Variants in NLRP9 observed in about 807,000 individuals in gnomAD.
NLRP9 encodes NACHT, LRR and PYD domains-containing protein 9.
A neutral mutation model predicts 83.1 loss-of-function variants in NLRP9; 88 were observed. That is an observed-to-expected ratio of 1.06 (90% CI 0.89 to 1.26). The LOEUF is 1.26. Among genes scored for constraint, NLRP9 ranks in the 50% most tolerant of loss-of-function variants. The probability of loss-of-function intolerance (pLI) is 0.00; values close to 1 mark genes in which losing one functional copy is unlikely to be tolerated. For synonymous variants in NLRP9, 521 were observed against 447.6 expected, an observed-to-expected ratio of 1.16 and a Z score of -2.07; for missense variants, 1,308 against 1,179.3, an observed-to-expected ratio of 1.11 and a Z score of -1.60.
intron 1 of NLRP9, among the ~76,000 whole-genome samples, chr19:55,733,992 G>C (rs923124520): frequency 1.4e-5 from 2 of 146,882 alleles, no homozygotes; most frequent in East Asian, 2.0e-4. Flanking sequence ...GCGGGATCTC[G>C]GCTCACTGCA....
chr19:55,734,498 G>T (rs1988720459), intron 1 of NLRP9, among the ~76,000 whole-genome samples: 1 of 146,140 alleles, frequency 6.8e-6, no homozygotes, highest in Admixed American at 7.0e-5. Context: ...TCACCTGTCA[G>T]CAAAGTACAC....
In NLRP9 at chr19:55,715,138, C is replaced by G; in HGVS notation, c.2418G>C (p.Leu806=). 6.2e-7 allele frequency: 1 copy of G among 1,613,246 alleles called. No homozygotes were observed. The highest frequency in any genetic ancestry group is 1.1e-5 in the South Asian group (1 of 91,060). ...CATTATCTTCCAGGGCATTTGAGCCCAGATCGAGGAGGGACAGGGACTTAC... is the reference window on the plus strand; with the variant it reads ...CATTATCTTCCAGGGCATTTGAGCCGAGATCGAGGAGGGACAGGGACTTAC... ...LCSKSLSLLD[L]GSNALEDNGV... is the part of the protein sequence containing the mutation. Residue 806 remains leucine (L), a synonymous_variant, in exon 6 of 9, where the codon CTG becomes CTC. Transcript: ENST00000332836.
At chr19:55,709,578 C>T (rs1247443442) in intron 8 of NLRP9, 2 of 152,256 alleles carry the variant, frequency 1.3e-5, no homozygotes, top group South Asian at 2.1e-4. Flanking sequence ...CAGTTCCTTT[C>T]GTGTCATTGT....
chr19:55,711,442 T>G, intron 8 of NLRP9: 1 of 1,302,830 alleles, frequency 7.7e-7, no homozygotes, highest in Non-Finnish European at 1.0e-6. Flanking sequence ...CCTTCTGAAG[T>G]CTGAGCTGGC....
intron 8 of NLRP9, chr19:55,711,237 G>A: frequency 2.4e-6 from 1 of 413,610 alleles, no homozygotes; most frequent in Non-Finnish European, 3.2e-6. Flanking sequence ...CCGCCCATTT[G>A]TTTTTTAAAA....
rs372072704 is a variant in NLRP9 at position 55,729,814 on chromosome 19, G to A, written c.1994+17C>T. 13 of 1,603,600 alleles carry A rather than the reference G, an allele frequency of 8.1e-6. No individual in the cohort carries two copies. Among genetic ancestry groups the A allele is most frequent in the Middle Eastern group, 1.7e-4 (1 of 6,008 alleles). On this transcript the variant is annotated intron_variant, in intron 3 of 8. Transcript: ENST00000332836. ...ACTCTGCCATTTGCTTAAAGGACAGGTTAACATAAAACTTACATGAGTTTT... is the reference window on the plus strand; with the variant it reads ...ACTCTGCCATTTGCTTAAAGGACAGATTAACATAAAACTTACATGAGTTTT...
intron 8 of NLRP9, chr19:55,711,498 A>G: frequency 1.5e-6 from 2 of 1,355,338 alleles, no homozygotes; most frequent in Non-Finnish European, 1.9e-6. Flanking sequence ...TTTATAGAGC[A>G]GTGGTTCTCA....
At chr19:55,735,421 C>G (rs1390047269) in intron 1 of NLRP9, among the ~76,000 whole-genome samples, 1 of 151,988 alleles carries the variant, frequency 6.6e-6, no homozygotes. Flanking sequence ...GACTCCATCT[C>G]TATTAAAAAA....
At chr19:55,719,491 G>A (rs960982293) in intron 4 of NLRP9, among the ~76,000 whole-genome samples, 2 of 152,162 alleles carry the variant, frequency 1.3e-5, no homozygotes, top group African/African-American at 2.4e-5. Context: ...TCTCCATCCC[G>A]CTCAAAGGGC....
chr19:55,709,064 GTTTT>G lies in NLRP9; in HGVS notation c.2844-24_2844-21del. 1 of 1,260,658 alleles carries G rather than the reference GTTTT, an allele frequency of 7.9e-7. No homozygotes were observed. The highest frequency in any genetic ancestry group is 1.1e-6 in the Non-Finnish European group (1 of 935,718). 78.1% of individuals were successfully genotyped at this position (1,260,658 alleles called of 1,614,324 possible). On this transcript the variant is annotated intron_variant, in intron 8 of 8. Transcript: ENST00000332836. Reference sequence around the variant, plus strand: ...TGCAGCCTGGGAAAATAGAAATAAAGTTTTTTTTTTTGTTTTTCATTTTTACACA... The same window carrying G: ...TGCAGCCTGGGAAAATAGAAATAAAGTTTTTTTGTTTTTCATTTTTACACA...
intron 2 of NLRP9, among the ~76,000 whole-genome samples, chr19:55,731,003 T>C (rs1314150524): frequency 2.0e-5 from 3 of 152,184 alleles, no homozygotes; most frequent in Admixed American, 6.5e-5. Flanking sequence ...TTAGTAACTA[T>C]GTGACCCTGG....
chr19:55,733,410 C>T lies in NLRP9; in HGVS notation c.421G>A (p.Ala141Thr), dbSNP rs531032441. ...ACCACAGTGTGTCGTCTAGCCGCAG[C>T]AGTATATGCGTCATTCAATTCTTTA... is the stretch of plus-strand genomic sequence containing the variant. The part of the protein sequence containing the change: ...EYKELNDAYT[A>T]AARRHTVVLE... The change falls in exon 2 of 9, where the codon GCT becomes ACT. Residue 141 changes from alanine to threonine, a missense_variant. Transcript: ENST00000332836. 2.3e-4 allele frequency: 379 copies of T among 1,614,074 alleles called. 5 individuals carry two copies. In the South Asian group the frequency reaches 3.0e-3, roughly 13 times the overall value.
At chr19:55,722,012 A>G (rs1396856971) in intron 4 of NLRP9, among the ~76,000 whole-genome samples, 1 of 152,138 alleles carries the variant, frequency 6.6e-6, no homozygotes, top group Non-Finnish European at 1.5e-5. Context: ...CTTGGTCTCT[A>G]TCCACCAGAT....
At chr19:55,717,360 C>T (rs957155367) in intron 4 of NLRP9, among the ~76,000 whole-genome samples, 7 of 152,148 alleles carry the variant, frequency 4.6e-5, no homozygotes, top group Admixed American at 1.3e-4. Context: ...GAAGTGCAAA[C>T]GTAATGACAT....
chr19:55,725,341 A>C (rs1988367643), intron 3 of NLRP9, among the ~76,000 whole-genome samples: 1 of 152,180 alleles, frequency 6.6e-6, no homozygotes, highest in Non-Finnish European at 1.5e-5. Context: ...CGTAAGAATA[A>C]ATACATGACA....
intron 8 of NLRP9, among the ~76,000 whole-genome samples, chr19:55,711,076 ACT>A (rs746271271): frequency 4.1e-5 from 6 of 144,730 alleles, no homozygotes; most frequent in Non-Finnish European, 6.0e-5. Context: ...ACAGAGCAAG[ACT>A]CTGCCTCAAA....
chr19:55,727,558 G>T (rs1988438885), intron 3 of NLRP9, among the ~76,000 whole-genome samples: 1 of 152,218 alleles, frequency 6.6e-6, no homozygotes, highest in African/African-American at 2.4e-5. Context: ...TTGAAATTCA[G>T]ATACTGCTTA....
At chr19:55,709,381 TAA>T (rs36068544) in intron 8 of NLRP9, 24 of 151,566 alleles carry the variant, frequency 1.6e-4, no homozygotes, top group Non-Finnish European at 2.3e-4. Flanking sequence ...TGTGCTTGCT[TAA>T]AAAAAAAAAA....
intron 4 of NLRP9, among the ~76,000 whole-genome samples, chr19:55,719,035 C>T (rs1336438587): frequency 6.6e-6 from 1 of 152,222 alleles, no homozygotes; most frequent in Non-Finnish European, 1.5e-5. Flanking sequence ...TCAGATCCCA[C>T]ACGGTAGGAG....
Sources: allele counts gnomAD v4.1 joint callset (sites outside exome capture counted in the v4.1 genomes callset), GRCh38; gene constraint gnomAD v4.1.1; transcripts MANE v1.5; gene names NCBI Gene and HGNC (gene_info 2026-07-23, HGNC 2026-07-21).